CSMD2: variants seen among roughly 807,000 people sequenced by gnomAD.
The protein encoded by CSMD2 is CUB and sushi domain-containing protein 2.
In CSMD2, 130 loss-of-function variants were observed where a neutral mutation model predicts 398.5. That is an observed-to-expected ratio of 0.33 (90% CI 0.28 to 0.38). The LOEUF is 0.38. CSMD2 is among the 10% of genes least tolerant of loss of function. The probability of loss-of-function intolerance (pLI) is 1.00; values close to 1 mark genes in which losing one functional copy is unlikely to be tolerated. For missense variants in CSMD2, 3,829 were observed against 4,764.9 expected (o/e 0.80, Z 5.78); for synonymous variants, 1,828 against 1,908.5 (o/e 0.96, Z 1.10).
rs553729049 is a variant in CSMD2, at chr1:33,550,827, A to G, written c.8744-477T>C. 3.3e-5 allele frequency among the ~76,000 whole-genome samples: 5 copies of G among 152,308 alleles called. No homozygotes were observed. The South Asian group carries it at 1.0e-3, about 32-fold the overall frequency. On this transcript the variant is annotated intron_variant, in intron 55 of 70. Coordinates refer to ENST00000373381, the MANE Select transcript of CSMD2 (RefSeq NM_001281956.2). The stretch of plus-strand genomic sequence containing the variant: ...CAGTTGTCCCCAACCTGTCCCTCTC[A>G]GTATGCAAGTTCCCTTTACTAAAAT...
chr1:33,526,278 G>C (rs1025882615), intron 65 of CSMD2, among the ~76,000 whole-genome samples: 2 of 152,158 alleles, frequency 1.3e-5, no homozygotes, highest in Non-Finnish European at 2.9e-5. Context: ...AGTATAGCAT[G>C]GTGAATTGGA....
intron 3 of CSMD2, among the ~76,000 whole-genome samples, chr1:33,998,932 A>T (rs1301847876): frequency 2.0e-5 from 3 of 152,042 alleles, no homozygotes; most frequent in African/African-American, 7.2e-5. Context: ...TCAACTTAGG[A>T]AGTCTAAATA....
At chr1:34,075,890 C>G (rs1460987989) in intron 2 of CSMD2, among the ~76,000 whole-genome samples, 4 of 152,342 alleles carry the variant, frequency 2.6e-5, no homozygotes, top group African/African-American at 9.6e-5. Flanking sequence ...TCTTTTCTTG[C>G]TAATTTCCAA....
At chr1:33,710,346 G>A (rs771125250) in intron 21 of CSMD2, among the ~76,000 whole-genome samples, 1 of 152,166 alleles carries the variant, frequency 6.6e-6, no homozygotes, top group African/African-American at 2.4e-5. Flanking sequence ...CATGCTGGAT[G>A]AATCTATGAA....
At chr1:33,539,360 A>C (rs896522741) in intron 60 of CSMD2, among the ~76,000 whole-genome samples, 1 of 152,234 alleles carries the variant, frequency 6.6e-6, no homozygotes, top group Non-Finnish European at 1.5e-5. Flanking sequence ...CAAAAAGATT[A>C]AATAACTTGT....
intron 13 of CSMD2, among the ~76,000 whole-genome samples, chr1:33,762,180 A>T (rs74624642): frequency 0.019 from 2,877 of 152,348 alleles, 36 homozygotes; most frequent in South Asian, 0.03. Context: ...AAATTCACCA[A>T]GAGGCTCAAA....
chr1:33,963,388 T>C (rs1645438372), intron 3 of CSMD2, among the ~76,000 whole-genome samples: 1 of 152,250 alleles, frequency 6.6e-6, no homozygotes, highest in African/African-American at 2.4e-5. Context: ...AGGTTATAAT[T>C]GGCATATATT....
intron 5 of CSMD2, among the ~76,000 whole-genome samples, chr1:33,895,050 C>A (rs1642285880): frequency 6.6e-6 from 1 of 152,186 alleles, no homozygotes; most frequent in South Asian, 2.1e-4. Context: ...TCTTGCCCAC[C>A]TCAGTCAGTG....
chr1:34,148,808 G>A (rs1640021552), intron 1 of CSMD2, among the ~76,000 whole-genome samples: 1 of 152,188 alleles, frequency 6.6e-6, no homozygotes, highest in Non-Finnish European at 1.5e-5. Context: ...CTCAGAGAAT[G>A]CACCGCCTAG....
intron 5 of CSMD2, among the ~76,000 whole-genome samples, chr1:33,907,115 CTTTTTT>C (rs59706894): frequency 1.1e-5 from 1 of 88,998 alleles, no homozygotes; most frequent in Admixed American, 1.3e-4. Flanking sequence ...TGATGATTAT[CTTTTTT>C]TTTTTTTTTT....
At position 33,766,037 on chromosome 1, in the gene CSMD2, T is replaced by C. The variant is rs1052558152; in HGVS notation, c.1846+6532A>G. Among the ~76,000 whole-genome samples the C allele has an allele frequency of 1.3e-4, 20 of 152,216 alleles. 1 individual carries two copies. Among genetic ancestry groups the C allele is most frequent in the Admixed American group, 1.0e-3 (16 of 15,284 alleles). On this transcript the variant is annotated intron_variant, in intron 13 of 70. Coordinates refer to ENST00000373381, the MANE Select transcript of CSMD2 (RefSeq NM_001281956.2). ...TATACCTCTTACCCCAACAGGGACA[T>C]GTCTCTGGCCCATGGCTACCCAGCA...
chr1:33,604,421 C>CT (rs890005808), intron 42 of CSMD2, among the ~76,000 whole-genome samples: 1 of 152,148 alleles, frequency 6.6e-6, no homozygotes, highest in African/African-American at 2.4e-5. Flanking sequence ...GAGTTTGAGT[C>CT]TGAGAGTGAG....
intron 14 of CSMD2, among the ~76,000 whole-genome samples, chr1:33,741,072 G>C (rs1647049897): frequency 6.6e-6 from 1 of 152,176 alleles, no homozygotes; most frequent in African/African-American, 2.4e-5. Flanking sequence ...GTGCTTAATG[G>C]ATGGCAGCTA....
intron 5 of CSMD2, 49 bp downstream of exon 5, chr1:33,918,045 T>C: frequency 1.3e-6 from 2 of 1,557,924 alleles, no homozygotes; most frequent in Non-Finnish European, 1.8e-6. Flanking sequence ...TCCCAGTAAT[T>C]CACAGTTGCA....
At chr1:33,958,524 T>C (rs1167600769) in intron 3 of CSMD2, among the ~76,000 whole-genome samples, 1 of 151,892 alleles carries the variant, frequency 6.6e-6, no homozygotes, top group Non-Finnish European at 1.5e-5. Context: ...CCCTGATGAG[T>C]TGACTTTGAG....
At chr1:33,657,846 C>T in intron 27 of CSMD2, 100 bp downstream of exon 27, 1 of 1,210,610 alleles carries the variant, frequency 8.3e-7, no homozygotes, top group Non-Finnish European at 1.2e-6. Flanking sequence ...TTTCAATTCT[C>T]TTGGCCCCAG....
intron 13 of CSMD2, among the ~76,000 whole-genome samples, chr1:33,766,369 C>T (rs560356194): frequency 1.3e-5 from 2 of 152,218 alleles, no homozygotes; most frequent in Admixed American, 6.5e-5. Flanking sequence ...AGTCTATGCC[C>T]CATGAGAAGA....
intron 13 of CSMD2, among the ~76,000 whole-genome samples, chr1:33,744,660 A>T (rs1414658080): frequency 6.6e-6 from 1 of 152,220 alleles, no homozygotes; most frequent in African/African-American, 2.4e-5. Context: ...CTTATGACAC[A>T]GGAAAAATAT....
chr1:33,964,178 C>T (rs967930884), intron 3 of CSMD2, among the ~76,000 whole-genome samples: 3 of 152,102 alleles, frequency 2.0e-5, no homozygotes, highest in East Asian at 1.9e-4. Flanking sequence ...GGAGAGAAGG[C>T]GCTGCAGCAA....
Sources: allele counts gnomAD v4.1 joint callset (sites outside exome capture counted in the v4.1 genomes callset), GRCh38; gene constraint gnomAD v4.1.1; transcripts MANE v1.5; gene names NCBI Gene and HGNC (gene_info 2026-07-23, HGNC 2026-07-21).